CCDC30: variants seen among roughly 807,000 people sequenced by gnomAD.
The protein encoded by CCDC30 is coiled-coil domain containing 30, also known as coiled-coil domain-containing protein 30.
CCDC30 carries 70 observed loss-of-function variants against 100.2 expected under a neutral mutation model. The observed-to-expected ratio is 0.70, with a 90% CI of 0.58 to 0.85. The LOEUF is 0.85. CCDC30 is among the 40% of genes least tolerant of loss of function. CCDC30 has a pLI of 0.00. For missense variants in CCDC30, 652 were observed against 771.2 expected (o/e 0.85, Z 1.83); for synonymous variants, 233 against 269.5 (o/e 0.86, Z 1.33).
intron 13 of CCDC30, among the ~76,000 whole-genome samples, chr1:42,643,190 C>G (rs6687042): frequency 0.07 from 10,689 of 152,230 alleles, 661 homozygotes; most frequent in African/African-American, 0.16. Context: ...AGGCACTGTT[C>G]TAAGCTCTTT....
At chr1:42,495,369 G>T (rs1045374070) in intron 4 of CCDC30, among the ~76,000 whole-genome samples, 1 of 151,976 alleles carries the variant, frequency 6.6e-6, no homozygotes, top group Non-Finnish European at 1.5e-5. Flanking sequence ...GGTGGGGAGA[G>T]AGGGGAGGGA....
At chr1:42,624,677 C>A (rs1206072959) in intron 11 of CCDC30, among the ~76,000 whole-genome samples, 1 of 152,136 alleles carries the variant, frequency 6.6e-6, no homozygotes, top group African/African-American at 2.4e-5. Context: ...TGGAGTCTTG[C>A]TATGTTATCC....
intron 6 of CCDC30, among the ~76,000 whole-genome samples, chr1:42,559,655 A>T (rs1002997442): frequency 6.6e-6 from 1 of 152,192 alleles, no homozygotes; most frequent in African/African-American, 2.4e-5. Flanking sequence ...AAGTTCTTAG[A>T]GACCTACAAA....
At chr1:42,636,965 CAAAAA>C (rs1166253995) in intron 11 of CCDC30, among the ~76,000 whole-genome samples, 13 of 29,502 alleles carry the variant, frequency 4.4e-4, no homozygotes, top group East Asian at 1.4e-3. Flanking sequence ...GACTCCATCT[CAAAAA>C]AAAAAAAAAA....
intron 13 of CCDC30, 143 bp from the exon 18 acceptor site, chr1:42,644,550 G>T: frequency 1.7e-6 from 1 of 605,274 alleles, no homozygotes; most frequent in South Asian, 1.9e-5. Context: ...TTGGAATATG[G>T]TGGGAATTAT....
chr1:42,473,513 G>A (rs976776312), intron 1 of CCDC30: 19 of 379,932 alleles, frequency 5.0e-5, no homozygotes, highest in Non-Finnish European at 6.5e-5. Flanking sequence ...GCCCAGTGAT[G>A]ACTGGCTGAA....
chr1:42,543,815 C>T (rs1645066025), intron 6 of CCDC30, among the ~76,000 whole-genome samples: 1 of 152,098 alleles, frequency 6.6e-6, no homozygotes, highest in African/African-American at 2.4e-5. Flanking sequence ...GATTATAGTC[C>T]ATTTTACACA....
At chr1:42,588,834 T>C (rs1271884667) in intron 9 of CCDC30, among the ~76,000 whole-genome samples, 1 of 152,228 alleles carries the variant, frequency 6.6e-6, no homozygotes, top group South Asian at 2.1e-4. Context: ...TAAAATTCTG[T>C]GAGTTCCTTT....
chr1:42,643,131 C>T (rs1201423140), intron 13 of CCDC30, among the ~76,000 whole-genome samples: 2 of 152,142 alleles, frequency 1.3e-5, no homozygotes, highest in African/African-American at 4.8e-5. Flanking sequence ...ATAATGTCAC[C>T]AATAATAACT....
chr1:42,457,057 G>A, the CCDC30 span: 48 of 1,598,090 alleles, frequency 3.0e-5, no homozygotes, highest in Admixed American at 7.9e-4. Context: ...CTGCGGCCCA[G>A]GCACTCAATC....
exon 1 of CCDC30, chr1:42,463,612 A>T (rs1385024251): frequency 1.3e-5 from 2 of 152,174 alleles, no homozygotes; most frequent in Non-Finnish European, 2.9e-5. Flanking sequence ...ATTTAGTATT[A>T]GGCTGCCGCT....
chr1:42,485,977 C>T (rs924596788), intron 3 of CCDC30, among the ~76,000 whole-genome samples: 1 of 152,174 alleles, frequency 6.6e-6, no homozygotes, highest in Non-Finnish European at 1.5e-5. Context: ...CTAAAAAAGA[C>T]AGACAGTGAC....
At chr1:42,493,984 G>C (rs943243441) in intron 4 of CCDC30, among the ~76,000 whole-genome samples, 4 of 152,086 alleles carry the variant, frequency 2.6e-5, no homozygotes, top group African/African-American at 4.8e-5. Flanking sequence ...GAGGCCAAGG[G>C]GGGTGAATCA....
chr1:42,582,865 A>G (rs1645994783), intron 9 of CCDC30, among the ~76,000 whole-genome samples: 1 of 152,062 alleles, frequency 6.6e-6, no homozygotes. Context: ...TCTTCCTCCC[A>G]CTTGTGTAAA....
intron 8 of CCDC30, among the ~76,000 whole-genome samples, chr1:42,580,302 TC>T: frequency 6.6e-6 from 1 of 152,284 alleles, no homozygotes; most frequent in African/African-American, 2.4e-5. Flanking sequence ...TCTTCTTCTC[TC>T]TCATGCTGTG....
chr1:42,497,782 G>A (rs1644251975), intron 5 of CCDC30, among the ~76,000 whole-genome samples: 1 of 152,148 alleles, frequency 6.6e-6, no homozygotes, highest in Admixed American at 6.6e-5. Context: ...AAACAACAGA[G>A]AATAACAAAT....
chr1:42,595,738 T>G lies in CCDC30; in HGVS notation c.1164+6255T>G, dbSNP rs528438450. On this transcript the variant is annotated intron_variant, in intron 10 of 16. Coordinates refer to ENST00000668663, the Ensembl canonical transcript of CCDC30. ...CATATTACTTGCTCAGCATTTATAT[T>G]GGGATCTTGGGGTTTGGCAAATTAA... Among the ~76,000 whole-genome samples, 34 of 152,254 alleles carry G rather than the reference T, an allele frequency of 2.2e-4. No individual in the cohort carries two copies. The East Asian group carries it at 6.0e-3, about 27-fold the overall frequency.
chr1:42,644,504 C>A (rs1192702266), intron 13 of CCDC30, among the ~76,000 whole-genome samples, 189 bp from the exon 18 acceptor site: 1 of 152,158 alleles, frequency 6.6e-6, no homozygotes, highest in Non-Finnish European at 1.5e-5. Flanking sequence ...TCCATGCAAT[C>A]AAGTTGACAC....
intron 6 of CCDC30, 71 bp from the exon 11 acceptor site, chr1:42,566,224 AC>A: frequency 8.3e-7 from 1 of 1,208,346 alleles, no homozygotes; most frequent in Non-Finnish European, 1.2e-6. Flanking sequence ...TCCGGTTCTG[AC>A]AACTTGAACC....
Sources: allele counts gnomAD v4.1 joint callset (sites outside exome capture counted in the v4.1 genomes callset), GRCh38; gene constraint gnomAD v4.1.1; transcripts MANE v1.5; gene names NCBI Gene and HGNC (gene_info 2026-07-23, HGNC 2026-07-21).